The following TRMT11 variants were observed in gnomAD, a reference collection of about 807,000 sequenced individuals.
The protein encoded by TRMT11 is tRNA (guanine(10)-N(2))-methyltransferase TRMT11.
A neutral mutation model predicts 62.8 loss-of-function variants in TRMT11; 53 were observed. The ratio of observed to expected loss-of-function variants is 0.84; its 90% CI spans 0.68 to 1.06. TRMT11 has a LOEUF of 1.06. TRMT11 is among the 50% of genes least tolerant of loss of function. TRMT11 has a pLI of 0.00. For missense variants in TRMT11, 556 were observed against 553.4 expected (o/e 1.00, Z -0.05); for synonymous variants, 188 against 190.3 (o/e 0.99, Z 0.10).
chr6:126,029,998 C>T (rs2128037663), intron 12 of TRMT11, among the ~76,000 whole-genome samples: 1 of 152,136 alleles, frequency 6.6e-6, no homozygotes, highest in African/African-American at 2.4e-5. Flanking sequence ...TATTAAAATA[C>T]TTTCATAGAT....
intron 1 of TRMT11, among the ~76,000 whole-genome samples, chr6:126,197,170 G>A (rs1778676759): frequency 6.6e-6 from 1 of 152,080 alleles, no homozygotes; most frequent in Admixed American, 6.6e-5. Flanking sequence ...CACTCCCTCT[G>A]CAGTTGCTTG....
intron 19 of TRMT11, among the ~76,000 whole-genome samples, chr6:126,114,972 C>T (rs1438422619): frequency 6.6e-6 from 1 of 151,948 alleles, no homozygotes; most frequent in Non-Finnish European, 1.5e-5. Context: ...TTTCCATTTC[C>T]CTTGGTTCAA....
At chr6:125,997,092 T>G (rs1273784998) in intron 3 of TRMT11, among the ~76,000 whole-genome samples, 3 of 152,240 alleles carry the variant, frequency 2.0e-5, no homozygotes, top group African/African-American at 7.2e-5. Flanking sequence ...ATTCATATAT[T>G]TGATTAATGG....
At chr6:126,238,048 G>A in the TRMT11 span, among the ~76,000 whole-genome samples, 7 of 152,010 alleles carry the variant, frequency 4.6e-5, no homozygotes, top group Admixed American at 1.3e-4. Flanking sequence ...CTGTGGGATC[G>A]GTGGTGATAT....
chr6:126,174,320 T>C (rs1388808356), upstream of TRMT11, among the ~76,000 whole-genome samples: 1 of 152,214 alleles, frequency 6.6e-6, no homozygotes, highest in Non-Finnish European at 1.5e-5. Context: ...TCTACAGTCT[T>C]TGCTGGTTAA....
At chr6:126,250,741 G>A in the TRMT11 span, among the ~76,000 whole-genome samples, 3 of 152,032 alleles carry the variant, frequency 2.0e-5, no homozygotes, top group Non-Finnish European at 4.4e-5. Context: ...AAATGTTTGA[G>A]GCATACTTGA....
the TRMT11 span, among the ~76,000 whole-genome samples, chr6:126,221,466 T>C: frequency 6.6e-6 from 1 of 152,238 alleles, no homozygotes; most frequent in East Asian, 1.9e-4. Flanking sequence ...TGGTGTAAGA[T>C]GGTATCTTAC....
intron 21 of TRMT11, among the ~76,000 whole-genome samples, chr6:126,140,000 A>T (rs1394766017): frequency 6.6e-6 from 1 of 152,116 alleles, no homozygotes; most frequent in Non-Finnish European, 1.5e-5. Flanking sequence ...TACTTTAAGA[A>T]ATTACTTCTA....
At chr6:125,988,796 T>C (rs537204805) in intron 1 of TRMT11, among the ~76,000 whole-genome samples, 5 of 152,214 alleles carry the variant, frequency 3.3e-5, no homozygotes, top group Non-Finnish European at 7.3e-5. Context: ...TAAGATTCTG[T>C]GATTTTCTTC....
chr6:126,023,129 A>G (rs908369081), intron 12 of TRMT11, among the ~76,000 whole-genome samples: 3 of 152,242 alleles, frequency 2.0e-5, no homozygotes, highest in Non-Finnish European at 4.4e-5. Flanking sequence ...GTTTTTGGAA[A>G]TCAAATTCTA....
At chr6:126,063,498 G>A (rs1015431979) in intron 17 of TRMT11, among the ~76,000 whole-genome samples, 3 of 152,234 alleles carry the variant, frequency 2.0e-5, no homozygotes, top group African/African-American at 7.2e-5. Context: ...AGATCTTACA[G>A]TTGGAGATTT....
At chr6:126,234,625 T>C in the TRMT11 span, among the ~76,000 whole-genome samples, 1 of 152,150 alleles carries the variant, frequency 6.6e-6, no homozygotes. Context: ...CTGTTGTTTT[T>C]TATTTTTGCA....
chr6:126,270,104 T>C, the TRMT11 span, among the ~76,000 whole-genome samples: 1 of 152,198 alleles, frequency 6.6e-6, no homozygotes, highest in Non-Finnish European at 1.5e-5. Flanking sequence ...TATAATTGTA[T>C]CTCAGATACA....
At chr6:126,108,281 A>G (rs2128185215) in intron 17 of TRMT11, among the ~76,000 whole-genome samples, 1 of 152,174 alleles carries the variant, frequency 6.6e-6, no homozygotes, top group East Asian at 1.9e-4. Context: ...TACTTCAGTC[A>G]TGGCTATATA....
At chr6:126,095,904 T>C (rs1020713553) in intron 17 of TRMT11, among the ~76,000 whole-genome samples, 1 of 152,086 alleles carries the variant, frequency 6.6e-6, no homozygotes, top group Admixed American at 6.6e-5. Flanking sequence ...GCATAGCTTA[T>C]TGAGAAAGAA....
rs372333071 is a variant in TRMT11, at chr6:126,013,054, C to T, written c.1092C>T (p.Leu364=). 4.7e-5 allele frequency: 76 copies of T among 1,613,584 alleles called. No individual in the cohort carries two copies. Among genetic ancestry groups the T allele is most frequent in the Middle Eastern group, 1.6e-4 (1 of 6,078 alleles). Residue 364 remains leucine, a synonymous_variant, in exon 11 of 13, where the codon CTC becomes CTT. Coordinates refer to ENST00000334379, the MANE Select transcript of TRMT11 (RefSeq NM_001031712.3). ...TGTTAAACTTCGCAGCTGAGACCCT[C>T]GTTTTAGGTGGAAGACTAGTCTATT... The part of the protein sequence containing the change: ...LDLLNFAAET[L]VLGGRLVYWL...
At chr6:126,164,371 T>TG (rs199741286) in intron 21 of TRMT11, among the ~76,000 whole-genome samples, 2,223 of 152,328 alleles carry the variant, frequency 0.015, 18 homozygotes, top group Non-Finnish European at 0.022. Flanking sequence ...CTTTTGCAGT[T>TG]GCTAAGGAGT....
chr6:126,182,233 G>C (rs965845594), intron 1 of TRMT11, among the ~76,000 whole-genome samples: 3 of 152,188 alleles, frequency 2.0e-5, no homozygotes, highest in Admixed American at 2.0e-4. Flanking sequence ...TTGAGGGAAA[G>C]ATTTTGGGGA....
rs1562224515 is a variant in TRMT11 at position 125,986,633 on chromosome 6, AGC to A, written c.72+14_72+15del. The A allele has an allele frequency of 1.3e-6, 2 of 1,575,414 alleles. No homozygotes were observed. Among genetic ancestry groups the A allele is most frequent in the South Asian group, 2.3e-5 (2 of 85,982 alleles). On this transcript the variant is annotated intron_variant, in intron 1 of 12. Transcript: ENST00000334379. Reference sequence around the variant, plus strand: ...GAGTTCCGCCTGCCGGTGAGTCCGTAGCGCCCTCCGGAACTTCCGACGGAAGA... The same window carrying A: ...GAGTTCCGCCTGCCGGTGAGTCCGTAGCCCTCCGGAACTTCCGACGGAAGA...
Sources: allele counts gnomAD v4.1 joint callset (sites outside exome capture counted in the v4.1 genomes callset), GRCh38; gene constraint gnomAD v4.1.1; transcripts MANE v1.5; gene names NCBI Gene and HGNC (gene_info 2026-07-23, HGNC 2026-07-21).